Variants in PIRT observed in about 807,000 individuals in gnomAD.
PIRT encodes phosphoinositide interacting regulator of transient receptor potential channels, also known as phosphoinositide-interacting protein.
In PIRT, 6 loss-of-function variants were observed where a neutral mutation model predicts 7.9. The ratio of observed to expected loss-of-function variants is 0.76; its 90% CI spans 0.42 to 1.51. The LOEUF (loss-of-function observed/expected upper bound fraction) is 1.51, where lower values mean the gene tolerates loss of function less well. PIRT is among the 40% of genes most tolerant of loss of function. The pLI is 0.01. For missense variants in PIRT, 170 were observed against 172.9 expected, an observed-to-expected ratio of 0.98 and a Z score of 0.09; for synonymous variants, 78 against 71.8, an observed-to-expected ratio of 1.09 and a Z score of -0.44.
At chr17:10,835,296 G>A (rs570828792) in intron 1 of PIRT, among the ~76,000 whole-genome samples, 4 of 152,280 alleles carry the variant, frequency 2.6e-5, no homozygotes, top group Non-Finnish European at 5.9e-5. Context: ...TGTGTGGTGG[G>A]AGCCACGCTA....
chr17:10,827,740 G>A (rs532358778), intron 1 of PIRT, among the ~76,000 whole-genome samples: 1 of 152,148 alleles, frequency 6.6e-6, no homozygotes, highest in East Asian at 1.9e-4. Context: ...CTCCCAAAGT[G>A]CTGGGATTAC....
intron 1 of PIRT, among the ~76,000 whole-genome samples, chr17:10,835,693 C>A (rs115588246): frequency 4.3e-4 from 65 of 152,340 alleles, no homozygotes; most frequent in African/African-American, 1.4e-3. Flanking sequence ...GGCCAGCAAG[C>A]AGCAAGAGGC....
rs1437873080 is a variant in PIRT at position 10,822,772 on chromosome 17, T to G, written c.*2460A>C. The G allele has an allele frequency of 2.0e-5, 3 of 152,170 alleles. No individual in the cohort carries two copies. Among genetic ancestry groups the G allele is most frequent in the African/African-American group, 7.2e-5 (3 of 41,434 alleles). The allele number at this position is 152,170 out of a possible 1,614,324, so 9.4% of individuals were successfully genotyped here. A position where few individuals can be genotyped will look rare whatever the true frequency, so the allele number is the denominator to read the frequency against. ...CCTGCCTCAGTGTGACCCTGGAACC[T>G]TTCCAGCCCACACTCATGTGGAGGA... On this transcript the variant is annotated 3_prime_UTR_variant, in exon 2 of 2. Coordinates refer to ENST00000580256, the MANE Select transcript of PIRT (RefSeq NM_001101387.2).
chr17:10,836,060 G>A (rs546178458), intron 1 of PIRT, among the ~76,000 whole-genome samples: 4 of 152,006 alleles, frequency 2.6e-5, no homozygotes, highest in East Asian at 3.9e-4. Flanking sequence ...ATGCCACCAC[G>A]CCTGCCTAAT....
At chr17:10,826,254 G>A (rs1051217215) in intron 1 of PIRT, among the ~76,000 whole-genome samples, 17 of 152,230 alleles carry the variant, frequency 1.1e-4, no homozygotes, top group Admixed American at 2.6e-4. Flanking sequence ...ATGAGCCACC[G>A]CACCCGGCCA....
Position 10,824,944 on chromosome 17 carries a change from T to G in PIRT, c.*288A>C. 4.9e-6 allele frequency: 2 copies of G among 410,740 alleles called. No individual in the cohort carries two copies. Among genetic ancestry groups the G allele is most frequent in the Non-Finnish European group, 8.7e-6 (2 of 228,728 alleles). 25.4% of individuals were successfully genotyped at this position (410,740 alleles called of 1,614,324 possible). A position where few individuals can be genotyped will look rare whatever the true frequency, so the allele number is the denominator to read the frequency against. ...CATGCATTGCACTTGGCAGAGAGAGTTGGATGAATGATGCCTGGATGCAGG... is the reference window on the plus strand; with the variant it reads ...CATGCATTGCACTTGGCAGAGAGAGGTGGATGAATGATGCCTGGATGCAGG... On this transcript the variant is annotated 3_prime_UTR_variant, in exon 2 of 2. Coordinates refer to ENST00000580256, the MANE Select transcript of PIRT (RefSeq NM_001101387.2).
chr17:10,828,986 C>T (rs1191681718), intron 1 of PIRT, among the ~76,000 whole-genome samples: 3 of 152,192 alleles, frequency 2.0e-5, no homozygotes, highest in Non-Finnish European at 2.9e-5. Context: ...GTGTGCTTCC[C>T]TTTGGAGCCT....
chr17:10,823,503 A>T lies in PIRT; in HGVS notation c.*1729T>A, dbSNP rs928217354. ...TATGGAACTGCCATGCAGGATGGGG[A>T]TATCTGGAGGGCCATGGTGACTGGG... On this transcript the variant is annotated 3_prime_UTR_variant, in exon 2 of 2. Transcript: ENST00000580256. 2.6e-5 allele frequency: 4 copies of T among 152,260 alleles called. No homozygotes were observed. Among genetic ancestry groups the T allele is most frequent in the Non-Finnish European group, 4.4e-5 (3 of 68,092 alleles). The allele number at this position is 152,260 out of a possible 1,614,324, so 9.4% of individuals were successfully genotyped here.
At chr17:10,827,110 C>T (rs1376982782) in intron 1 of PIRT, among the ~76,000 whole-genome samples, 2 of 152,048 alleles carry the variant, frequency 1.3e-5, no homozygotes, top group African/African-American at 2.4e-5. Flanking sequence ...CTGTGCCTGG[C>T]CCCCACAGTG....
At position 10,823,413 on chromosome 17, in the gene PIRT, CA is replaced by C. The variant is rs1567614845; in HGVS notation, c.*1818del. The C allele has an allele frequency of 6.6e-6, 1 of 152,272 alleles. No homozygotes were observed. Among genetic ancestry groups the C allele is most frequent in the Non-Finnish European group, 1.5e-5 (1 of 68,076 alleles). The allele number at this position is 152,272 out of a possible 1,614,324, so 9.4% of individuals were successfully genotyped here. Reference sequence around the variant, plus strand: ...TCAGGTAGGGGTGGTCCCCATGACACAAGTGCTTTCCTCCATGGATTTTCTC... The same window carrying C: ...TCAGGTAGGGGTGGTCCCCATGACACAGTGCTTTCCTCCATGGATTTTCTC... On this transcript the variant is annotated 3_prime_UTR_variant, in exon 2 of 2. Coordinates refer to ENST00000580256, the MANE Select transcript of PIRT (RefSeq NM_001101387.2).
rs1161706728 is a variant in PIRT, at chr17:10,825,372, C to A, written c.274G>T (p.Val92Leu). Residue 92 changes from valine (V) to leucine (L), a missense_variant, in exon 2 of 2, where the codon GTA (valine) becomes TTA (leucine). Val to Leu is a conservative substitution (Grantham distance 32). Coordinates refer to ENST00000580256, the MANE Select transcript of PIRT (RefSeq NM_001101387.2). The stretch of plus-strand genomic sequence containing the variant: ...CCCAGGGACAGGAAGCCAGGCCCTA[C>A]CATTTTGAGGATGGAGAGACTCTTG... ...SDKSLSILKM[V>L]GPGFLSLGLM... 1 of 1,613,858 alleles carries A rather than the reference C, an allele frequency of 6.2e-7. No homozygotes were observed. The highest frequency in any genetic ancestry group is 1.3e-5 in the African/African-American group (1 of 74,908).
In PIRT at chr17:10,827,465, C is replaced by CTTTTTTTTTTTTTTT. The variant is rs546105685; in HGVS notation, c.-138-1697_-138-1683dup. 4.4e-3 allele frequency among the ~76,000 whole-genome samples: 249 copies of CTTTTTTTTTTTTTTT among 56,270 alleles called. 10 individuals are homozygous for CTTTTTTTTTTTTTTT. Among genetic ancestry groups the CTTTTTTTTTTTTTTT allele is most frequent in the African/African-American group, 5.5e-3 (73 of 13,324 alleles). 36.9% of individuals were successfully genotyped at this position (56,270 alleles called of 152,430 possible). On this transcript the variant is annotated intron_variant, in intron 1 of 1. Transcript: ENST00000580256. Reference sequence around the variant, plus strand: ...TCTTTCTTTTCTTTCTTTTTCTTTTCTTTTTTTTTTTTTTTTTTTTTTTTT... The same window carrying CTTTTTTTTTTTTTTT: ...TCTTTCTTTTCTTTCTTTTTCTTTTCTTTTTTTTTTTTTTTTTTTTTTTTTTTTTTTTTTTTTTTT...
chr17:10,831,655 C>A (rs931454342), intron 1 of PIRT, among the ~76,000 whole-genome samples: 1 of 152,150 alleles, frequency 6.6e-6, no homozygotes, highest in Non-Finnish European at 1.5e-5. Context: ...GAATGTGAGA[C>A]CTTCAATTTC....
chr17:10,836,687 G>A (rs1905600449), intron 1 of PIRT, among the ~76,000 whole-genome samples: 1 of 152,242 alleles, frequency 6.6e-6, no homozygotes, highest in Admixed American at 6.5e-5. Flanking sequence ...GATAGCACCT[G>A]GGCTGTTCTG....
At chr17:10,830,562 G>A (rs955946478) in intron 1 of PIRT, among the ~76,000 whole-genome samples, 1 of 152,126 alleles carries the variant, frequency 6.6e-6, no homozygotes. Flanking sequence ...CACATTCTAC[G>A]TGTTCAGGAA....
intron 1 of PIRT, among the ~76,000 whole-genome samples, chr17:10,832,361 T>A (rs1382234751): frequency 6.6e-6 from 1 of 152,148 alleles, no homozygotes; most frequent in Non-Finnish European, 1.5e-5. Flanking sequence ...CCCAGCTAAT[T>A]TTGTATTTTT....
At position 10,823,540 on chromosome 17, in the gene PIRT, G is replaced by C. The variant is rs1348378678; in HGVS notation, c.*1692C>G. ...CCATGGTGACTGGGAAGGCCACAAGGCTGAGGAGTGAAGAGAATTAGCTCA... is the reference window on the plus strand; with the variant it reads ...CCATGGTGACTGGGAAGGCCACAAGCCTGAGGAGTGAAGAGAATTAGCTCA... On this transcript the variant is annotated 3_prime_UTR_variant, in exon 2 of 2. Transcript: ENST00000580256. The C allele has an allele frequency of 6.6e-6, 1 of 152,366 alleles. No homozygotes were observed. Among genetic ancestry groups the C allele is most frequent in the Non-Finnish European group, 1.5e-5 (1 of 68,160 alleles). The allele number at this position is 152,366 out of a possible 1,614,324, so 9.4% of individuals were successfully genotyped here. A position where few individuals can be genotyped will look rare whatever the true frequency, so the allele number is the denominator to read the frequency against.
intron 1 of PIRT, among the ~76,000 whole-genome samples, chr17:10,833,190 A>T (rs1905502575): frequency 6.6e-6 from 1 of 152,208 alleles, no homozygotes; most frequent in African/African-American, 2.4e-5. Flanking sequence ...ATGAAACTTG[A>T]TCCCACTTGA....
intron 1 of PIRT, among the ~76,000 whole-genome samples, chr17:10,833,719 A>T (rs1315232430): frequency 6.6e-6 from 1 of 151,842 alleles, no homozygotes; most frequent in Non-Finnish European, 1.5e-5. Context: ...TCGCCACTGC[A>T]CTCCAGCCTG....
Sources: gnomAD v4.1 joint callset for allele counts (sites outside exome capture counted in the v4.1 genomes callset) on GRCh38, gnomAD v4.1.1 for gene constraint, MANE v1.5 for transcripts, NCBI Gene and HGNC (gene_info 2026-07-23, HGNC 2026-07-21) for gene names.